TSLP: variants seen among roughly 807,000 people sequenced by gnomAD.
TSLP encodes the protein thymic stromal lymphopoietin.
TSLP carries 12 observed loss-of-function variants against 12.4 expected under a neutral mutation model. The observed-to-expected ratio is 0.97, with a 90% CI of 0.62 to 1.57. The LOEUF is 1.57. TSLP is among the 40% of genes most tolerant of loss of function. TSLP has a pLI of 0.00. For synonymous variants in TSLP, 97 were observed against 69.5 expected, an observed-to-expected ratio of 1.40 and a Z score of -1.97; for missense variants, 222 against 189.6, an observed-to-expected ratio of 1.17 and a Z score of -1.00.
rs1014722967 is a variant in TSLP, at chr5:111,076,320, G to A, written c.*246G>A. On this transcript the variant is annotated 3_prime_UTR_variant, in exon 4 of 4. Transcript: ENST00000344895. ...GACTGGCTTCATGGCAGTAATTCTC[G>A]GCTGTAGTTGCATAAGCATTGCTCA... 3.1e-5 allele frequency: 14 copies of A among 451,376 alleles called. No individual in the cohort carries two copies. Among genetic ancestry groups the A allele is most frequent in the East Asian group, 9.1e-5 (2 of 21,928 alleles). 28.0% of individuals were successfully genotyped at this position (451,376 alleles called of 1,614,324 possible). A position where few individuals can be genotyped will look rare whatever the true frequency, so the allele number is the denominator to read the frequency against.
At chr5:111,073,770 G>A (rs186900250) in intron 3 of TSLP, 125 bp downstream of exon 3, 25 of 1,108,680 alleles carry the variant, frequency 2.3e-5, no homozygotes, top group East Asian at 7.5e-5. Context: ...CAAACGAGCC[G>A]GGTAAAAGTG....
In TSLP at chr5:111,076,016, T is replaced by C. The variant is rs750348614; in HGVS notation, c.422T>C (p.Val141Ala). ...KVTTNKCLEQ[V>A]SQLQGLWRRF... ...ACAACCAATAAATGTCTGGAACAAGTGTCACAATTACAAGGATTGTGGCGT... is the reference window on the plus strand; with the variant it reads ...ACAACCAATAAATGTCTGGAACAAGCGTCACAATTACAAGGATTGTGGCGT... The change falls in exon 4 of 4, where the codon GTG becomes GCG. Residue 141 changes from valine to alanine, a missense_variant. Val to Ala is a moderately conservative substitution (Grantham distance 64). Coordinates refer to ENST00000344895, the MANE Select transcript of TSLP (RefSeq NM_033035.5). 1.9e-6 allele frequency: 3 copies of C among 1,614,108 alleles called. No individual in the cohort carries two copies. Among genetic ancestry groups the C allele is most frequent in the Non-Finnish European group, 2.5e-6 (3 of 1,179,980 alleles).
At chr5:111,072,518 G>A (rs1580375762) in intron 1 of TSLP, among the ~76,000 whole-genome samples, 1 of 152,156 alleles carries the variant, frequency 6.6e-6, no homozygotes, top group East Asian at 1.9e-4. Context: ...TTAACATACA[G>A]TAGTAATCAT....
upstream of TSLP, chr5:111,071,664 G>T: frequency 1.5e-6 from 2 of 1,367,668 alleles, no homozygotes; most frequent in South Asian, 1.6e-5. Flanking sequence ...GGAGAAAAGA[G>T]CCCGTAGGCG....
upstream of TSLP, chr5:111,071,278 C>G: frequency 5.1e-6 from 3 of 584,426 alleles, no homozygotes; most frequent in Non-Finnish European, 8.2e-6. Context: ...TCTTACTAGC[C>G]AAGGAGAAGG....
In TSLP at chr5:111,076,365, C is replaced by T; in HGVS notation, c.*291C>T. 3.3e-6 allele frequency: 1 copy of T among 304,998 alleles called. No homozygotes were observed. 18.9% of individuals were successfully genotyped at this position (304,998 alleles called of 1,614,324 possible). ...TGCTCAAGAGGAAAATCCAAAAGTGCAGCAGGAGAACTCTTTTCCCTGAAA... is the reference window on the plus strand; with the variant it reads ...TGCTCAAGAGGAAAATCCAAAAGTGTAGCAGGAGAACTCTTTTCCCTGAAA... On this transcript the variant is annotated 3_prime_UTR_variant, in exon 4 of 4. Transcript: ENST00000344895.
At chr5:111,074,959 G>A (rs920023878) in intron 3 of TSLP, among the ~76,000 whole-genome samples, 4 of 152,118 alleles carry the variant, frequency 2.6e-5, no homozygotes, top group Non-Finnish European at 4.4e-5. Flanking sequence ...AAGCCATAGC[G>A]CTGATCTGGG....
intron 3 of TSLP, among the ~76,000 whole-genome samples, chr5:111,073,974 A>T (rs1187801548): frequency 6.6e-6 from 1 of 152,206 alleles, no homozygotes; most frequent in East Asian, 1.9e-4. Context: ...GCCAATTCCC[A>T]GGTACTCAAC....
intron 1 of TSLP, among the ~76,000 whole-genome samples, chr5:111,072,343 A>T (rs1347584957): frequency 3.3e-5 from 5 of 152,206 alleles, no homozygotes; most frequent in Non-Finnish European, 5.9e-5. Context: ...TGTTACTCTG[A>T]CTATGCTGTA....
In TSLP at chr5:111,076,376, C is replaced by T. The variant is rs554178079; in HGVS notation, c.*302C>T. ...AAAATCCAAAAGTGCAGCAGGAGAA[C>T]TCTTTTCCCTGAAAAAGGAAAAATA... On this transcript the variant is annotated 3_prime_UTR_variant, in exon 4 of 4. Coordinates refer to ENST00000344895, the MANE Select transcript of TSLP (RefSeq NM_033035.5). 5.0e-5 allele frequency: 14 copies of T among 278,250 alleles called. No individual in the cohort carries two copies. In the South Asian group the frequency reaches 6.4e-4, roughly 13 times the overall value. The allele number at this position is 278,250 out of a possible 1,614,324, so 17.2% of individuals were successfully genotyped here.
Position 111,073,336 on chromosome 5 carries a change from C to T in TSLP, c.217-175C>T, listed in dbSNP as rs930128676. On this transcript the variant is annotated intron_variant, in intron 2 of 3. Coordinates refer to ENST00000344895, the MANE Select transcript of TSLP (RefSeq NM_033035.5). ...GCCACCCTCGCCACGCCCCTGCTCC[C>T]CCGCGGTTGGTTCTTCCTTGCTCTA... The T allele has an allele frequency of 1.9e-5, 28 of 1,451,694 alleles. No homozygotes were observed. The African/African-American group carries it at 3.6e-4, about 18-fold the overall frequency. 89.9% of individuals were successfully genotyped at this position (1,451,694 alleles called of 1,614,324 possible). A position where few individuals can be genotyped will look rare whatever the true frequency, so the allele number is the denominator to read the frequency against.
intron 1 of TSLP, 59 bp downstream of exon 1, chr5:111,072,120 A>G: frequency 1.4e-6 from 2 of 1,398,958 alleles, no homozygotes; most frequent in South Asian, 2.7e-5. Flanking sequence ...CGGCATACAC[A>G]CACTCTACAA....
Position 111,073,533 on chromosome 5 carries a change from A to G in TSLP, c.239A>G (p.Gln80Arg). 6.2e-7 allele frequency: 1 copy of G among 1,614,162 alleles called. No individual in the cohort carries two copies. Among genetic ancestry groups the G allele is most frequent in the Non-Finnish European group, 8.5e-7 (1 of 1,180,038 alleles). Residue 80 changes from glutamine to arginine, a missense_variant, in exon 3 of 4, where the codon CAG becomes CGG. By Grantham distance (43) the Gln-to-Arg change is conservative. Transcript: ENST00000344895. ...CAGCCACATTGCCTTACTGAAATCC[A>G]GAGCCTAACCTTCAATCCCACCGCC... ...SNRPHCLTEI[Q>R]SLTFNPTAGC... is the part of the protein sequence containing the mutation.
At chr5:111,070,487 GGCCCAGGGCC>G (rs970570978), upstream of TSLP, 3 of 152,402 alleles carry the variant, frequency 2.0e-5, no homozygotes, top group African/African-American at 7.2e-5. Flanking sequence ...GTGTAGAGAG[GGCCCAGGGCC>G]GCATGAGCCA....
rs144677470 is a variant in TSLP at position 111,073,798 on chromosome 5, C to T, written c.351+153C>T. Among the ~76,000 whole-genome samples, 46 of 152,290 alleles carry T rather than the reference C, an allele frequency of 3.0e-4. 1 individual carries two copies. The East Asian group carries it at 8.9e-3, about 29-fold the overall frequency. On this transcript the variant is annotated intron_variant, in intron 3 of 3. Transcript: ENST00000344895. ...TAAAAGTGGTAGGATGTCAGTTAGA[C>T]CCACGTTGATACCCGGAATCAAACT...
chr5:111,071,995 CTT>C lies in TSLP; in HGVS notation c.107_108del (p.Phe36Ter). ...VLTYDFTNCD[F>X]EKIKAAYLST... is the part of the protein sequence containing the mutation. ...TAACTTACGACTTCACTAACTGTGACTTTGAGAAGATTAAAGCAGCCTATCTC... is the reference window on the plus strand; with the variant it reads ...TAACTTACGACTTCACTAACTGTGACTGAGAAGATTAAAGCAGCCTATCTC... On this transcript the variant is annotated frameshift_variant, in exon 1 of 4. Coordinates refer to ENST00000344895, the MANE Select transcript of TSLP (RefSeq NM_033035.5). LOFTEE classifies it high-confidence loss of function. 1.2e-6 allele frequency: 2 copies of C among 1,614,178 alleles called. No individual in the cohort carries two copies. Among genetic ancestry groups the C allele is most frequent in the Admixed American group, 1.7e-5 (1 of 60,030 alleles).
intron 2 of TSLP, 95 bp downstream of exon 2, chr5:111,073,027 G>T: frequency 6.8e-7 from 1 of 1,472,702 alleles, no homozygotes; most frequent in Non-Finnish European, 9.4e-7. Flanking sequence ...TCCGAGAGGT[G>T]CCTGGGCTCC....
upstream of TSLP, chr5:111,070,108 G>C (rs538398784): frequency 8.5e-5 from 13 of 152,226 alleles, no homozygotes; most frequent in African/African-American, 2.7e-4. Flanking sequence ...AAAGAATGCT[G>C]TGGTGACTCG....
At chr5:111,073,052 G>A (rs1160457477) in intron 2 of TSLP, 120 bp downstream of exon 2, 11 of 1,191,310 alleles carry the variant, frequency 9.2e-6, no homozygotes, top group African/African-American at 1.5e-5. Flanking sequence ...CGCCGCCGCC[G>A]GGGGAAAGGG....
Sources: gnomAD v4.1 joint callset for allele counts (sites outside exome capture counted in the v4.1 genomes callset) on GRCh38, gnomAD v4.1.1 for gene constraint, MANE v1.5 for transcripts, NCBI Gene and HGNC (gene_info 2026-07-23, HGNC 2026-07-21) for gene names.